The following RAPGEF1 variants were observed in gnomAD, a reference collection of about 807,000 sequenced individuals.
RAPGEF1 encodes the protein CRK SH3-binding GNRP.
In RAPGEF1, 33 loss-of-function variants were observed where a neutral mutation model predicts 143.3. That is an observed-to-expected ratio of 0.23 (90% CI 0.17 to 0.31). The LOEUF is 0.31. RAPGEF1 is among the 10% of genes least tolerant of loss of function. The probability of loss-of-function intolerance (pLI) is 1.00; values close to 1 mark genes in which losing one functional copy is unlikely to be tolerated. For missense variants in RAPGEF1, 1,199 were observed against 1,645.4 expected, an observed-to-expected ratio of 0.73 and a Z score of 4.69; for synonymous variants, 629 against 676.5, an observed-to-expected ratio of 0.93 and a Z score of 1.09.
intron 1 of RAPGEF1, among the ~76,000 whole-genome samples, chr9:131,689,656 A>G (rs1437028721): frequency 6.6e-6 from 1 of 151,840 alleles, no homozygotes; most frequent in Non-Finnish European, 1.5e-5. Flanking sequence ...CTCTTGCCTC[A>G]GCCTCCCGAG....
rs546253596 is a variant in RAPGEF1, at chr9:131,712,462, C to T, written c.61+27308G>A. Among the ~76,000 whole-genome samples, 49 of 149,198 alleles carry T rather than the reference C, an allele frequency of 3.3e-4. 1 individual carries two copies. The highest frequency in any genetic ancestry group is 1.1e-3 in the Admixed American group (16 of 15,022). ...CCTAGCAAGAGTCAGAGGGTATGGG[C>T]GGCTGGGGCGCTGTTTCCTCCACTT... On this transcript the variant is annotated intron_variant, in intron 1 of 26. Coordinates refer to ENST00000683357, the MANE Select transcript of RAPGEF1 (RefSeq NM_001377935.1).
At chr9:131,638,862 C>T (rs1259446060) in intron 4 of RAPGEF1, 71 bp from the exon 5 acceptor site, 3 of 1,469,402 alleles carry the variant, frequency 2.0e-6, no homozygotes, top group Non-Finnish European at 2.8e-6. Flanking sequence ...GAGCCAGCTT[C>T]TCGGTGACAA....
chr9:131,594,914 C>A (rs1022122542), intron 17 of RAPGEF1, among the ~76,000 whole-genome samples: 7 of 152,168 alleles, frequency 4.6e-5, no homozygotes, highest in Non-Finnish European at 8.8e-5. Flanking sequence ...TCGCTGTGGA[C>A]AAAAAGGAAA....
At chr9:131,581,773 C>G (rs1175182667) in intron 25 of RAPGEF1, among the ~76,000 whole-genome samples, 1 of 152,138 alleles carries the variant, frequency 6.6e-6, no homozygotes, top group African/African-American at 2.4e-5. Flanking sequence ...GGACTTAAGG[C>G]CAGATGAGAA....
Position 131,576,962 on chromosome 9 carries a change from G to A in RAPGEF1, c.*2535C>T, listed in dbSNP as rs1025571529. 3.6e-4 allele frequency: 55 copies of A among 152,360 alleles called. No homozygotes were observed. Among genetic ancestry groups the A allele is most frequent in the Non-Finnish European group, 1.2e-4 (8 of 68,192 alleles). 9.4% of individuals were successfully genotyped at this position (152,360 alleles called of 1,614,324 possible). A position where few individuals can be genotyped will look rare whatever the true frequency, so the allele number is the denominator to read the frequency against. On this transcript the variant is annotated 3_prime_UTR_variant, in exon 27 of 27. Transcript: ENST00000683357. ...CGGGTTCAGGTCAGACATGGTGTGTGCCTGCCCCTCCTTGCCCCCCCACAC... is the reference window on the plus strand; with the variant it reads ...CGGGTTCAGGTCAGACATGGTGTGTACCTGCCCCTCCTTGCCCCCCCACAC...
intron 5 of RAPGEF1, among the ~76,000 whole-genome samples, chr9:131,631,796 C>T (rs148621905): frequency 1.6e-3 from 250 of 152,098 alleles, no homozygotes; most frequent in African/African-American, 5.4e-3. Context: ...GTGAACACGC[C>T]GAAAAAAATA....
chr9:131,635,098 A>G (rs2133176879), intron 5 of RAPGEF1, among the ~76,000 whole-genome samples: 1 of 152,298 alleles, frequency 6.6e-6, no homozygotes, highest in East Asian at 1.9e-4. Context: ...ACTACCTGGA[A>G]AAGAGCCATA....
chr9:131,672,420 G>T (rs1306036068), intron 1 of RAPGEF1, among the ~76,000 whole-genome samples: 2 of 152,212 alleles, frequency 1.3e-5, no homozygotes, highest in African/African-American at 4.8e-5. Context: ...TGTCACATGG[G>T]AGGGGGTCTG....
Position 131,667,282 on chromosome 9 carries a change from C to T in RAPGEF1, c.62-16333G>A, listed in dbSNP as rs770664450. On this transcript the variant is annotated intron_variant, in intron 1 of 26. Coordinates refer to ENST00000683357, the MANE Select transcript of RAPGEF1 (RefSeq NM_001377935.1). The surrounding 1 kb of genome is among the most constrained non-coding windows in gnomAD (Gnocchi z 4.6). ...CTGGGATTACAGGTGTGAGCCACTGCGCCCAGCCAAGGCATTCTTATTACC... is the reference window on the plus strand; with the variant it reads ...CTGGGATTACAGGTGTGAGCCACTGTGCCCAGCCAAGGCATTCTTATTACC... Among the ~76,000 whole-genome samples the T allele has an allele frequency of 6.6e-6, 1 of 152,166 alleles. No individual in the cohort carries two copies. The highest frequency in any genetic ancestry group is 2.4e-5 in the African/African-American group (1 of 41,428).
Position 131,621,722 on chromosome 9 carries a change from C to T in RAPGEF1, c.1905+74G>A, listed in dbSNP as rs559321054. On this transcript the variant is annotated intron_variant, in intron 11 of 26. Transcript: ENST00000683357. This position sits in a 1 kb window ranked among gnomAD's most constrained non-coding sequence, Gnocchi z 4.5. ...CAGGGAGGAGGGTTAACCCTGCCCC[C>T]AAGGAGGGTCATTCTGGTTCCTAGA... 1 of 1,455,892 alleles carries T rather than the reference C, an allele frequency of 6.9e-7. No individual in the cohort carries two copies. The highest frequency in any genetic ancestry group is 2.5e-5 in the East Asian group (1 of 40,496). 90.2% of individuals were successfully genotyped at this position (1,455,892 alleles called of 1,614,324 possible). A position where few individuals can be genotyped will look rare whatever the true frequency, so the allele number is the denominator to read the frequency against.
chr9:131,686,078 C>A (rs1378416315), intron 1 of RAPGEF1, among the ~76,000 whole-genome samples: 1 of 152,138 alleles, frequency 6.6e-6, no homozygotes, highest in Non-Finnish European at 1.5e-5. Flanking sequence ...TTTCTTTTTA[C>A]AACGTAGTAC....
chr9:131,638,755 T>C lies in RAPGEF1; in HGVS notation c.531A>G (p.Gln177=), dbSNP rs1011413911. The change falls in exon 5 of 27, where the codon CAA becomes CAG. Residue 177 remains glutamine, a synonymous_variant. Transcript: ENST00000683357. The part of the protein sequence containing the change: ...ALSSCYSRVY[Q]SLANLIRWSD... ...ACCAGCGAATGAGGTTGGCGAGGCT[T>C]TGGTACACTCGGCTATAGCAGGAAG... 7 of 1,613,804 alleles carry C rather than the reference T, an allele frequency of 4.3e-6. No individual in the cohort carries two copies. The African/African-American group carries it at 5.3e-5, about 12-fold the overall frequency.
intron 1 of RAPGEF1, among the ~76,000 whole-genome samples, chr9:131,688,785 C>T (rs976345736): frequency 6.6e-6 from 1 of 152,184 alleles, no homozygotes; most frequent in Non-Finnish European, 1.5e-5. Flanking sequence ...GTAATCCCAG[C>T]TACTCGGAAG....
chr9:131,626,490 C>T (rs915094470), intron 9 of RAPGEF1, 68 bp from the exon 10 acceptor site: 23 of 1,474,952 alleles, frequency 1.6e-5, no homozygotes, highest in Middle Eastern at 2.2e-4. Flanking sequence ...CAGCTCCCCC[C>T]GCCCGCCTCT....
At chr9:131,676,233 G>A (rs1437528061) in intron 1 of RAPGEF1, among the ~76,000 whole-genome samples, 2 of 152,318 alleles carry the variant, frequency 1.3e-5, no homozygotes, top group Non-Finnish European at 2.9e-5. Flanking sequence ...GTGGGCATGG[G>A]CAGCCGCTGG....
At chr9:131,731,224 T>TA (rs1837052204) in intron 1 of RAPGEF1, among the ~76,000 whole-genome samples, 1 of 152,192 alleles carries the variant, frequency 6.6e-6, no homozygotes, top group Non-Finnish European at 1.5e-5. Flanking sequence ...ACCACAAGTG[T>TA]AAAATATACA....
At chr9:131,653,314 T>C (rs529119696) in intron 1 of RAPGEF1, among the ~76,000 whole-genome samples, 3 of 152,266 alleles carry the variant, frequency 2.0e-5, no homozygotes, top group Non-Finnish European at 4.4e-5. Flanking sequence ...TCTGCATTAT[T>C]ACACTGTTAT....
chr9:131,677,057 C>T (rs1308930997), intron 1 of RAPGEF1, among the ~76,000 whole-genome samples: 1 of 152,220 alleles, frequency 6.6e-6, no homozygotes, highest in Non-Finnish European at 1.5e-5. Context: ...CTTACGGCCT[C>T]CTATCTGTAG....
intron 1 of RAPGEF1, among the ~76,000 whole-genome samples, chr9:131,695,004 G>C (rs1374092041): frequency 8.0e-6 from 1 of 125,386 alleles, no homozygotes; most frequent in African/African-American, 3.4e-5. Context: ...GTGTCCATGT[G>C]TTCTCATTGT....
Sources: allele counts gnomAD v4.1 joint callset (sites outside exome capture counted in the v4.1 genomes callset), GRCh38; gene constraint gnomAD v4.1.1; non-coding constraint Gnocchi (gnomAD v3.1); transcripts MANE v1.5; gene names NCBI Gene and HGNC (gene_info 2026-07-23, HGNC 2026-07-21).